Variants in C3 observed in about 807,000 individuals in gnomAD.
C3 encodes complement C3, also known as C3 and PZP-like alpha-2-macroglobulin domain-containing protein 1.
In C3, 97 loss-of-function variants were observed where a neutral mutation model predicts 207.9. That is an observed-to-expected ratio of 0.47 (90% CI 0.40 to 0.55). The LOEUF (loss-of-function observed/expected upper bound fraction) is 0.55. C3 is among the 20% of genes least tolerant of loss of function. The pLI is 0.00. For missense variants in C3, 1,684 were observed against 2,171.7 expected, an observed-to-expected ratio of 0.78 and a Z score of 4.46; for synonymous variants, 848 against 857.6, an observed-to-expected ratio of 0.99 and a Z score of 0.20.
Position 6,685,200 on chromosome 19 carries a change from G to C in C3, c.3811-54C>G, listed in dbSNP as rs184093744. On this transcript the variant is annotated intron_variant, in intron 29 of 40. Coordinates refer to ENST00000245907, the MANE Select transcript of C3 (RefSeq NM_000064.4). ...ATCTGGGAGCCTGGGAAAGTGGCTA[G>C]AATCCAGTGGGGGATAAAGAGGTTC... 3.2e-3 allele frequency: 4,848 copies of C among 1,534,052 alleles called. 35 individuals are homozygous for C. Among genetic ancestry groups the C allele is most frequent in the South Asian group, 8.8e-3 (776 of 87,876 alleles).
At chr19:6,680,384 G>A (rs1917830386) in intron 35 of C3, 121 bp from the exon 36 acceptor site, 2 of 701,834 alleles carry the variant, frequency 2.8e-6, no homozygotes, top group South Asian at 1.5e-5. Flanking sequence ...AAAGATGAAT[G>A]AGCAATTCAG....
rs756442896 is a variant in C3, at chr19:6,677,923, C to A, written c.4951G>T (p.Ala1651Ser). 5 of 1,613,356 alleles carry A rather than the reference C, an allele frequency of 3.1e-6. No homozygotes were observed. The highest frequency in any genetic ancestry group is 4.2e-6 in the Non-Finnish European group (5 of 1,179,830). The change falls in exon 41 of 41, where the codon GCC (alanine) becomes TCC (serine). Residue 1651 changes from alanine (A) to serine (S), a missense_variant. Ala to Ser is a moderately conservative substitution (Grantham distance 99, BLOSUM62 1). Around this residue, in one of 3 missense-constraint regions of C3, gnomAD observed 346 missense variants for 380.1 expected, o/e 0.91. Transcript: ENST00000245907. ...AAGACAACCATGCTCTCGGTGAAGG[C>A]GCCGAGGTCCTGGCATTGTTTCTGG... ...ENQKQCQDLG[A>S]FTESMVVFGC...
chr19:6,679,787 C>T (rs748993844), intron 36 of C3, among the ~76,000 whole-genome samples: 2 of 151,948 alleles, frequency 1.3e-5, no homozygotes, highest in Non-Finnish European at 2.9e-5. Context: ...ATCCTTAGAC[C>T]CTTATTTTCA....
chr19:6,706,055 C>G (rs191018299), intron 17 of C3, among the ~76,000 whole-genome samples: 5 of 152,344 alleles, frequency 3.3e-5, no homozygotes, highest in Non-Finnish European at 5.9e-5. Flanking sequence ...TCACCTGATT[C>G]AAAAACTGAA....
intron 5 of C3, 36 bp from the exon 6 acceptor site, chr19:6,714,284 C>T (rs764703923): frequency 1.1e-5 from 17 of 1,611,256 alleles, no homozygotes; most frequent in South Asian, 3.3e-5. Context: ...TCTCAGGCCT[C>T]GGAGCCCCCC....
In C3 at chr19:6,719,768, C is replaced by T. The variant is rs143722866; in HGVS notation, c.75-365G>A. 1.2e-3 allele frequency among the ~76,000 whole-genome samples: 189 copies of T among 152,202 alleles called. 1 individual carries two copies. Among genetic ancestry groups the T allele is most frequent in the African/African-American group, 4.1e-3 (169 of 41,524 alleles). On this transcript the variant is annotated intron_variant, in intron 1 of 40. Coordinates refer to ENST00000245907, the MANE Select transcript of C3 (RefSeq NM_000064.4). The surrounding 1 kb of genome is among the most constrained non-coding windows in gnomAD (Gnocchi z 5.4). ...CGCCTAAACCCACACATGCCCCAAA[C>T]CCTAAACCTCTACCTCTCTAAACAC...
chr19:6,718,905 C>T lies in C3; in HGVS notation c.267+306G>A, dbSNP rs76954942. On this transcript the variant is annotated intron_variant, in intron 2 of 40. Coordinates refer to ENST00000245907, the MANE Select transcript of C3 (RefSeq NM_000064.4). The stretch of plus-strand genomic sequence containing the variant: ...TGGGGTCTCAGGGAAGGGAGGGACT[C>T]AGAAGGGGAGGAGTCTCAGAAGGGG... Among the ~76,000 whole-genome samples the T allele has an allele frequency of 8.6e-3, 727 of 84,358 alleles. 4 individuals carry two copies. The highest frequency in any genetic ancestry group is 0.033 in the African/African-American group (603 of 18,092). The allele number at this position is 84,358 out of a possible 152,430, so 55.3% of individuals were successfully genotyped here.
rs202078483 is a variant in C3 at position 6,710,702 on chromosome 19, G to A, written c.1623C>T (p.Ser541=). 7.4e-4 allele frequency: 1,189 copies of A among 1,613,672 alleles called. 9 individuals are homozygous for A. The South Asian group carries it at 8.1e-3, about 11-fold the overall frequency. The change falls in exon 13 of 41, where the codon AGC becomes AGT. Residue 541 remains serine, a synonymous_variant. Coordinates refer to ENST00000245907, the MANE Select transcript of C3 (RefSeq NM_000064.4). ...AGTCGGCCACCACCTCCCTCTGGCC[G>A]CTGGCACCGATCAGCGTGTAGTACG... is the stretch of plus-strand genomic sequence containing the variant. The part of the protein sequence containing the change: ...LVAYYTLIGA[S]GQREVVADSV...
chr19:6,710,571 A>AGG (rs1967897166), intron 13 of C3, 68 bp downstream of exon 13: 1 of 1,160,618 alleles, frequency 8.6e-7, no homozygotes, highest in African/African-American at 2.0e-5. Flanking sequence ...GAGAGGAGAC[A>AGG]GGGAGAGAGA....
At position 6,719,574 on chromosome 19, in the gene C3, G is replaced by A. The variant is rs1196584690; in HGVS notation, c.75-171C>T. Among the ~76,000 whole-genome samples the A allele has an allele frequency of 2.6e-5, 4 of 152,062 alleles. No individual in the cohort carries two copies. Among genetic ancestry groups the A allele is most frequent in the African/African-American group, 7.3e-5 (3 of 41,376 alleles). On this transcript the variant is annotated intron_variant, in intron 1 of 40. Transcript: ENST00000245907. This position sits in a 1 kb window ranked among gnomAD's most constrained non-coding sequence, Gnocchi z 5.4. ...ATTATCTTCTCTGGGCACTGCCACCGTCTCAACCACATGGGCAGGACAGCA... is the reference window on the plus strand; with the variant it reads ...ATTATCTTCTCTGGGCACTGCCACCATCTCAACCACATGGGCAGGACAGCA...
At position 6,677,856 on chromosome 19, in the gene C3, T is replaced by A. The variant is rs746171602; in HGVS notation, c.*26A>T. 1.9e-6 allele frequency: 3 copies of A among 1,613,428 alleles called. No individual in the cohort carries two copies. The highest frequency in any genetic ancestry group is 2.5e-6 in the Non-Finnish European group (3 of 1,179,962). The stretch of plus-strand genomic sequence containing the variant: ...CACGTGAGATATAACTGAAGCTTTA[T>A]CTGGAGTGGGGGAATGGGGGTGTGG... On this transcript the variant is annotated 3_prime_UTR_variant, in exon 41 of 41. Transcript: ENST00000245907.
intron 35 of C3, among the ~76,000 whole-genome samples, 168 bp from the exon 36 acceptor site, chr19:6,680,431 GACT>G (rs1377542148): frequency 1.3e-5 from 2 of 152,232 alleles, no homozygotes; most frequent in African/African-American, 4.8e-5. Context: ...CTCACAGTGA[GACT>G]ACCTTTCTCA....
At chr19:6,689,328 C>CCTATCTCTCTCTCTCTCT (rs1918098314) in intron 27 of C3, among the ~76,000 whole-genome samples, 4 of 53,246 alleles carry the variant, frequency 7.5e-5, no homozygotes, top group African/African-American at 4.0e-4. Flanking sequence ...TCTCTACCTA[C>CCTATCTCTCTCTCTCTCT]CTCCCTCCCT....
At position 6,714,028 on chromosome 19, in the gene C3, T is replaced by A. The variant is rs771248231; in HGVS notation, c.737A>T (p.Tyr246Phe). 2 of 1,610,434 alleles carry A rather than the reference T, an allele frequency of 1.2e-6. No homozygotes were observed. Among genetic ancestry groups the A allele is most frequent in the South Asian group, 2.2e-5 (2 of 90,840 alleles). Residue 246 changes from tyrosine (Y) to phenylalanine (F), a missense_variant, in exon 7 of 41, where the codon TAT becomes TTT. Physicochemically the swap from Tyr to Phe is conservative, Grantham distance 22 (BLOSUM62 3). Transcript: ENST00000245907. ...GGTGACCTCCAGGCCCTTCTCGTTA[T>A]AGATGTAGTAGAATTTCTCTGTAGG... ...VEPTEKFYYI[Y>F]NEKGLEVTIT...
chr19:6,679,553 G>T, intron 36 of C3, 57 bp from the exon 37 acceptor site: 1 of 1,141,338 alleles, frequency 8.8e-7, no homozygotes, highest in Non-Finnish European at 1.3e-6. Flanking sequence ...CAAAGACCAT[G>T]CCTGGGAGGC....
chr19:6,702,315 T>C, intron 18 of C3, 103 bp from the exon 19 acceptor site: 1 of 956,314 alleles, frequency 1.0e-6, no homozygotes, highest in Non-Finnish European at 1.7e-6. Flanking sequence ...TGGAAGGGTC[T>C]GGGGGTGCCT....
intron 35 of C3, among the ~76,000 whole-genome samples, chr19:6,681,360 AGC>A (rs1917856110): frequency 6.8e-6 from 1 of 147,564 alleles, no homozygotes; most frequent in Non-Finnish European, 1.5e-5. Flanking sequence ...AAAAAAAAAA[AGC>A]TGGGTACAAA....
intron 21 of C3, among the ~76,000 whole-genome samples, chr19:6,697,120 C>T (rs1178053731): frequency 2.0e-5 from 3 of 151,252 alleles, no homozygotes; most frequent in Non-Finnish European, 4.4e-5. Context: ...TGGTGATGGT[C>T]GACGAGGTTT....
chr19:6,690,499 T>C lies in C3; in HGVS notation c.3489+130A>G, dbSNP rs1032968406. 12 of 755,090 alleles carry C rather than the reference T, an allele frequency of 1.6e-5. No homozygotes were observed. In the African/African-American group the frequency reaches 1.7e-4, roughly 11 times the overall value. The allele number at this position is 755,090 out of a possible 1,614,324, so 46.8% of individuals were successfully genotyped here. A position where few individuals can be genotyped will look rare whatever the true frequency, so the allele number is the denominator to read the frequency against. ...GCTCAAAAGATGTTAGCTATTAACA[T>C]GACTGCAGTGATGTCTGTTATTGCA... is the stretch of plus-strand genomic sequence containing the variant. On this transcript the variant is annotated intron_variant, in intron 27 of 40. Transcript: ENST00000245907.
Sources: allele counts gnomAD v4.1 joint callset (sites outside exome capture counted in the v4.1 genomes callset), GRCh38; gene constraint gnomAD v4.1.1; regional missense constraint gnomAD v4.1.1; non-coding constraint Gnocchi (gnomAD v3.1); transcripts MANE v1.5; gene names NCBI Gene and HGNC (gene_info 2026-07-23, HGNC 2026-07-21).